GALNT17: variants seen among roughly 807,000 people sequenced by gnomAD.
The protein encoded by GALNT17 is UDP-GalNAc:polypeptide N-acetylgalactosaminyltransferase-like 3.
In GALNT17, 29 loss-of-function variants were observed where a neutral mutation model predicts 63.7. The observed-to-expected ratio is 0.46, with a 90% CI of 0.34 to 0.62. The LOEUF (loss-of-function observed/expected upper bound fraction) is 0.62. Among genes scored for constraint, GALNT17 ranks in the 20% least tolerant of loss-of-function variants. The pLI is 0.01. For synonymous variants in GALNT17, 305 were observed against 318.3 expected (o/e 0.96, Z 0.45); for missense variants, 603 against 799.6 (o/e 0.75, Z 2.97).
intron 1 of GALNT17, among the ~76,000 whole-genome samples, chr7:71,318,990 C>G (rs1791551267): frequency 6.6e-6 from 1 of 152,090 alleles, no homozygotes; most frequent in Non-Finnish European, 1.5e-5. Flanking sequence ...TTGGGCTGAC[C>G]AGGGCTGACC....
chr7:71,693,901 T>C (rs1584143010), intron 9 of GALNT17, among the ~76,000 whole-genome samples: 1 of 151,636 alleles, frequency 6.6e-6, no homozygotes, highest in South Asian at 2.1e-4. Context: ...CAATGGTGGG[T>C]GAGGTCGGGG....
chr7:71,201,122 A>C (rs1211571553), intron 1 of GALNT17, among the ~76,000 whole-genome samples: 1 of 151,326 alleles, frequency 6.6e-6, no homozygotes, highest in East Asian at 2.0e-4. Flanking sequence ...TTAATTACTG[A>C]CATCATTAAA....
At chr7:71,207,093 G>A (rs1397799655) in intron 1 of GALNT17, among the ~76,000 whole-genome samples, 1 of 151,604 alleles carries the variant, frequency 6.6e-6, no homozygotes, top group African/African-American at 2.4e-5. Context: ...GCGACAGAGC[G>A]AGACTCTGTC....
At chr7:71,698,574 A>C (rs1416009142) in intron 9 of GALNT17, among the ~76,000 whole-genome samples, 1 of 152,040 alleles carries the variant, frequency 6.6e-6, no homozygotes, top group Non-Finnish European at 1.5e-5. Context: ...TGAAGAGTAA[A>C]CAATAAAATA....
chr7:71,557,187 T>C (rs11768307), intron 5 of GALNT17, among the ~76,000 whole-genome samples: 47,826 of 151,820 alleles, frequency 0.32, 8,458 homozygotes, highest in Non-Finnish European at 0.38. Flanking sequence ...CCACCACATC[T>C]GGTATTAATT....
At chr7:71,211,160 T>C (rs1282086538) in intron 1 of GALNT17, among the ~76,000 whole-genome samples, 2 of 152,186 alleles carry the variant, frequency 1.3e-5, no homozygotes, top group African/African-American at 4.8e-5. Context: ...CATCCAAATC[T>C]CAACTTGAAT....
At chr7:71,591,240 G>A (rs1208970924) in intron 6 of GALNT17, among the ~76,000 whole-genome samples, 1 of 145,348 alleles carries the variant, frequency 6.9e-6, no homozygotes, top group South Asian at 2.2e-4. Flanking sequence ...ATTTTGAGTA[G>A]AGACAGGGTT....
At chr7:71,457,849 C>T (rs1355534743) in intron 5 of GALNT17, among the ~76,000 whole-genome samples, 2 of 152,158 alleles carry the variant, frequency 1.3e-5, no homozygotes, top group Non-Finnish European at 2.9e-5. Context: ...TCTGGGAATC[C>T]AGCCCAGTAG....
intron 5 of GALNT17, among the ~76,000 whole-genome samples, chr7:71,478,337 T>C (rs1429019576): frequency 1.3e-5 from 2 of 152,040 alleles, no homozygotes; most frequent in Non-Finnish European, 2.9e-5. Context: ...TCTGAGACAG[T>C]GTCTCACTCT....
chr7:71,143,797 C>T (rs945096108), intron 1 of GALNT17, among the ~76,000 whole-genome samples: 3 of 151,456 alleles, frequency 2.0e-5, no homozygotes, highest in South Asian at 2.1e-4. Context: ...CCCAACACTT[C>T]GTGAGGCTAA....
intron 1 of GALNT17, among the ~76,000 whole-genome samples, chr7:71,180,098 C>G (rs1184678526): frequency 3.3e-5 from 5 of 152,104 alleles, no homozygotes; most frequent in Non-Finnish European, 7.4e-5. Context: ...GAAGCCTTTG[C>G]TATAATCAAG....
intron 2 of GALNT17, among the ~76,000 whole-genome samples, chr7:71,349,279 A>G (rs973149168): frequency 1.3e-5 from 2 of 152,176 alleles, no homozygotes; most frequent in African/African-American, 2.4e-5. Flanking sequence ...GTTATAAATC[A>G]GGCTTCTGGT....
intron 6 of GALNT17, among the ~76,000 whole-genome samples, chr7:71,622,444 G>C (rs1337209724): frequency 2.6e-5 from 4 of 152,158 alleles, no homozygotes; most frequent in Non-Finnish European, 4.4e-5. Context: ...TTGTCTCTAG[G>C]ATGAGTGGCC....
intron 2 of GALNT17, among the ~76,000 whole-genome samples, chr7:71,383,485 C>G (rs1792882774): frequency 6.6e-6 from 1 of 152,154 alleles, no homozygotes; most frequent in African/African-American, 2.4e-5. Flanking sequence ...GTCGCCCAGA[C>G]TAGAGTGCAG....
intron 6 of GALNT17, among the ~76,000 whole-genome samples, chr7:71,651,927 C>T (rs1045829356): frequency 7.9e-5 from 12 of 152,070 alleles, no homozygotes; most frequent in African/African-American, 2.9e-4. Context: ...TCTTGAACTC[C>T]TGGCCTCAAG....
At chr7:71,353,088 G>A (rs1792218270) in intron 2 of GALNT17, among the ~76,000 whole-genome samples, 1 of 151,932 alleles carries the variant, frequency 6.6e-6, no homozygotes, top group African/African-American at 2.4e-5. Context: ...AGGGCTTTGG[G>A]GGGTGGGGGT....
chr7:71,482,120 T>G (rs73177434), intron 5 of GALNT17, among the ~76,000 whole-genome samples: 33,707 of 148,832 alleles, frequency 0.23, 4,163 homozygotes, highest in Middle Eastern at 0.26. Flanking sequence ...TGTGTATGTA[T>G]GGTCATGCAT....
chr7:71,654,284 G>A (rs1426223788), intron 6 of GALNT17, among the ~76,000 whole-genome samples: 2 of 152,138 alleles, frequency 1.3e-5, no homozygotes, highest in African/African-American at 2.4e-5. Context: ...ATCGGCAACC[G>A]AAAGTGCTGG....
At chr7:71,296,823 A>C (rs6976591) in intron 1 of GALNT17, among the ~76,000 whole-genome samples, 28,115 of 152,086 alleles carry the variant, frequency 0.18, 2,837 homozygotes, top group East Asian at 0.33. Context: ...AGATGGTAGA[A>C]ATACACACAC....
Sources: allele counts gnomAD v4.1 joint callset (sites outside exome capture counted in the v4.1 genomes callset), GRCh38; gene constraint gnomAD v4.1.1; transcripts MANE v1.5; gene names NCBI Gene and HGNC (gene_info 2026-07-23, HGNC 2026-07-21).